The following AASDH variants were observed in gnomAD, a reference collection of about 807,000 sequenced individuals.
AASDH encodes the protein aminoadipate-semialdehyde dehydrogenase.
Under a neutral mutation model 102.3 loss-of-function variants are expected in AASDH, and 81 were observed. The observed-to-expected ratio is 0.79, with a 90% CI of 0.66 to 0.95. The LOEUF (loss-of-function observed/expected upper bound fraction) is 0.95. Ranked by LOEUF, AASDH falls within the 40% of genes least tolerant of loss-of-function variation. The probability of loss-of-function intolerance (pLI) is 0.00; values close to 1 mark genes in which losing one functional copy is unlikely to be tolerated. For synonymous variants in AASDH, 398 were observed against 454.0 expected, an observed-to-expected ratio of 0.88 and a Z score of 1.57; for missense variants, 1,203 against 1,266.2, an observed-to-expected ratio of 0.95 and a Z score of 0.76.
intron 14 of AASDH, 83 bp downstream of exon 14, chr4:56,342,752 T>C (rs983510533): frequency 2.1e-5 from 11 of 515,876 alleles, no homozygotes; most frequent in Middle Eastern, 8.8e-4. Context: ...ACTATAGATA[T>C]ATAAAATTTC....
chr4:56,353,630 G>T, intron 8 of AASDH, 34 bp from the exon 9 acceptor site: 3 of 1,528,230 alleles, frequency 2.0e-6, no homozygotes, highest in Admixed American at 2.3e-5. Flanking sequence ...TGCCAATGAG[G>T]ATATTTACAA....
At chr4:56,387,012 T>TA (rs1753646055) in intron 1 of AASDH, among the ~76,000 whole-genome samples, 1 of 152,144 alleles carries the variant, frequency 6.6e-6, no homozygotes, top group Non-Finnish European at 1.5e-5. Context: ...AAACTTTATT[T>TA]TCCCAATTCC....
intron 4 of AASDH, among the ~76,000 whole-genome samples, chr4:56,373,555 C>A (rs962629128): frequency 6.6e-6 from 1 of 152,174 alleles, no homozygotes; most frequent in African/African-American, 2.4e-5. Context: ...AGAGACTTTA[C>A]TTCTGAAGTC....
chr4:56,367,850 A>G (rs1751205778), intron 5 of AASDH, among the ~76,000 whole-genome samples: 2 of 151,748 alleles, frequency 1.3e-5, no homozygotes, highest in Admixed American at 1.3e-4. Flanking sequence ...ATGACAACAA[A>G]AGCCAAAATT....
chr4:56,356,896 G>A, intron 5 of AASDH: 1 of 948,342 alleles, frequency 1.1e-6, no homozygotes, highest in Admixed American at 1.8e-5. Flanking sequence ...GCTCGAAAAG[G>A]CAAACGCTAA....
At position 56,354,131 on chromosome 4, in the gene AASDH, TCA is replaced by T; in HGVS notation, c.1289_1290del (p.Val430AspfsTer25). ...LGTMRATGDFVTVKDGEIFFL... is the reference protein window; with the variant it reads ...LGTMRATGDFXTVKDGEIFFL... ...AAAAAAATCTCTCCATCTTTCACAG[TCA>T]CAAAGTCTCCTGTAGCTCGCATTGT... On this transcript the variant is annotated frameshift_variant, in exon 8 of 15. Coordinates refer to ENST00000205214, the MANE Select transcript of AASDH (RefSeq NM_181806.4). LOFTEE classifies it high-confidence loss of function. The T allele has an allele frequency of 6.2e-7, 1 of 1,613,484 alleles. No homozygotes were observed. The highest frequency in any genetic ancestry group is 8.5e-7 in the Non-Finnish European group (1 of 1,179,610).
At chr4:56,371,731 C>T in intron 4 of AASDH, 88 bp from the exon 5 acceptor site, 1 of 1,234,108 alleles carries the variant, frequency 8.1e-7, no homozygotes, top group East Asian at 2.9e-5. Context: ...TTATGATGAT[C>T]AAGTTTCTGA....
At chr4:56,365,576 C>T (rs200471687) in intron 5 of AASDH, among the ~76,000 whole-genome samples, 13,297 of 151,700 alleles carry the variant, frequency 0.088, 711 homozygotes, top group East Asian at 0.25. Context: ...CACTCAAAAC[C>T]GCTCAACTAC....
At chr4:56,376,472 T>C (rs1309512351) in intron 4 of AASDH, among the ~76,000 whole-genome samples, 6 of 152,234 alleles carry the variant, frequency 3.9e-5, no homozygotes, top group Admixed American at 1.3e-4. Flanking sequence ...TAATGTAATC[T>C]ATCTCCAATC....
intron 2 of AASDH, among the ~76,000 whole-genome samples, 153 bp downstream of exon 2, chr4:56,383,917 C>G (rs1753256562): frequency 2.6e-5 from 2 of 78,312 alleles, no homozygotes; most frequent in Admixed American, 3.3e-4. Context: ...AAAAATAATA[C>G]TGGGGAAATG....
chr4:56,358,593 C>A (rs889829560), intron 5 of AASDH, among the ~76,000 whole-genome samples: 6 of 151,740 alleles, frequency 4.0e-5, no homozygotes, highest in African/African-American at 1.5e-4. Flanking sequence ...CCTTTCTCTG[C>A]ATCCATTAAG....
chr4:56,344,438 G>T (rs1463927729), intron 12 of AASDH, among the ~76,000 whole-genome samples: 1 of 151,540 alleles, frequency 6.6e-6, no homozygotes, highest in Non-Finnish European at 1.5e-5. Context: ...CTCTTCTTTG[G>T]GGTCCTGTGT....
chr4:56,387,442 C>A lies in AASDH; in HGVS notation c.-123G>T. On this transcript the variant is annotated 5_prime_UTR_variant, in exon 1 of 15. Transcript: ENST00000205214. Reference sequence around the variant, plus strand: ...GTCGCGGATACTTCTCACAGCGAAGCAGCAGCTCCCAGAAGCCGTAAAGCT... The same window carrying A: ...GTCGCGGATACTTCTCACAGCGAAGAAGCAGCTCCCAGAAGCCGTAAAGCT... 6.6e-6 allele frequency: 1 copy of A among 152,366 alleles called. No individual in the cohort carries two copies. Among genetic ancestry groups the A allele is most frequent in the African/African-American group, 2.4e-5 (1 of 41,572 alleles). The allele number at this position is 152,366 out of a possible 1,614,324, so 9.4% of individuals were successfully genotyped here. A position where few individuals can be genotyped will look rare whatever the true frequency, so the allele number is the denominator to read the frequency against.
Position 56,371,434 on chromosome 4 carries a change from T to C in AASDH, c.861+17A>G, listed in dbSNP as rs752336527. 8 of 1,579,136 alleles carry C rather than the reference T, an allele frequency of 5.1e-6. No homozygotes were observed. The East Asian group carries it at 1.1e-4, about 22-fold the overall frequency. ...TGAAAAATGATAAACAAAACGTTCATTGCTACTAAAATGTACCTGCAAAAC... is the reference window on the plus strand; with the variant it reads ...TGAAAAATGATAAACAAAACGTTCACTGCTACTAAAATGTACCTGCAAAAC... On this transcript the variant is annotated intron_variant, in intron 5 of 14. Coordinates refer to ENST00000205214, the MANE Select transcript of AASDH (RefSeq NM_181806.4).
chr4:56,381,355 G>A (rs981038070), intron 3 of AASDH, among the ~76,000 whole-genome samples: 3 of 152,106 alleles, frequency 2.0e-5, no homozygotes, highest in Non-Finnish European at 2.9e-5. Context: ...CAGAACACTT[G>A]AGGTCAGAAG....
chr4:56,353,629 G>T, intron 8 of AASDH, 33 bp from the exon 9 acceptor site: 4 of 1,527,298 alleles, frequency 2.6e-6, no homozygotes, highest in South Asian at 1.3e-5. Flanking sequence ...TTGCCAATGA[G>T]GATATTTACA....
At chr4:56,354,897 T>A in intron 6 of AASDH, 86 bp from the exon 7 acceptor site, 1 of 1,148,644 alleles carries the variant, frequency 8.7e-7, no homozygotes, top group African/African-American at 1.6e-5. Context: ...CTGTACCAAA[T>A]AAAGAAAAAA....
Position 56,349,515 on chromosome 4 carries a change from G to C in AASDH, c.2236C>G (p.Pro746Ala). 6.2e-7 allele frequency: 1 copy of C among 1,614,174 alleles called. No individual in the cohort carries two copies. Among genetic ancestry groups the C allele is most frequent in the Non-Finnish European group, 8.5e-7 (1 of 1,180,026 alleles). The change falls in exon 11 of 15, where the codon CCT (proline) becomes GCT (alanine). Residue 746 changes from proline (P) to alanine (A), a missense_variant. Pro to Ala is a conservative substitution (Grantham distance 27). Coordinates refer to ENST00000205214, the MANE Select transcript of AASDH (RefSeq NM_181806.4). ...TCCATTTTCTGAGTCCCTATCGCAG[G>C]TTTCCCCTCTTCAGAAACTTTTGCA... ...CVAKVSEEGK[P>A]AIGTQKMELH...
At chr4:56,340,488 A>C (rs1203900795) in intron 14 of AASDH, among the ~76,000 whole-genome samples, 1 of 152,184 alleles carries the variant, frequency 6.6e-6, no homozygotes, top group Non-Finnish European at 1.5e-5. Flanking sequence ...CAGAAGAATA[A>C]ACCAGACCCC....
Sources: allele counts gnomAD v4.1 joint callset (sites outside exome capture counted in the v4.1 genomes callset), GRCh38; gene constraint gnomAD v4.1.1; transcripts MANE v1.5; gene names NCBI Gene and HGNC (gene_info 2026-07-23, HGNC 2026-07-21).